Variants in AGBL1 observed in about 807,000 individuals in gnomAD.
The protein encoded by AGBL1 is AGBL carboxypeptidase 1, also known as cytosolic carboxypeptidase 4.
Under a neutral mutation model 118.9 loss-of-function variants are expected in AGBL1, and 130 were observed. The ratio of observed to expected loss-of-function variants is 1.09; its 90% CI spans 0.95 to 1.26. The LOEUF (loss-of-function observed/expected upper bound fraction) is 1.26, where lower values mean the gene tolerates loss of function less well. AGBL1 is among the 50% of genes most tolerant of loss of function. The pLI is 0.00. For synonymous variants in AGBL1, 555 were observed against 478.9 expected, an observed-to-expected ratio of 1.16 and a Z score of -2.08; for missense variants, 1,584 against 1,298.1, an observed-to-expected ratio of 1.22 and a Z score of -3.38.
chr15:86,169,291 C>A (rs530401345), intron 5 of AGBL1, among the ~76,000 whole-genome samples: 1 of 152,192 alleles, frequency 6.6e-6, no homozygotes, highest in Non-Finnish European at 1.5e-5. Flanking sequence ...GATATGCAAG[C>A]GTACTTATAG....
At chr15:86,432,979 G>A (rs992428381) in intron 18 of AGBL1, among the ~76,000 whole-genome samples, 2 of 152,146 alleles carry the variant, frequency 1.3e-5, no homozygotes, top group African/African-American at 2.4e-5. Flanking sequence ...CCATGCTGAG[G>A]TCCAGTCCTG....
intron 18 of AGBL1, among the ~76,000 whole-genome samples, chr15:86,424,792 C>G (rs1011163556): frequency 2.6e-5 from 4 of 152,164 alleles, no homozygotes; most frequent in African/African-American, 9.7e-5. Flanking sequence ...TGAAGAAAAG[C>G]TCATCATCAC....
At chr15:86,873,305 G>A (rs920579289) in intron 22 of AGBL1, among the ~76,000 whole-genome samples, 7 of 151,954 alleles carry the variant, frequency 4.6e-5, no homozygotes, top group South Asian at 4.2e-4. Context: ...GCAAATTCTC[G>A]GTATTATATA....
At chr15:86,422,468 A>C (rs1201913540) in intron 18 of AGBL1, among the ~76,000 whole-genome samples, 1 of 152,244 alleles carries the variant, frequency 6.6e-6, no homozygotes, top group Non-Finnish European at 1.5e-5. Flanking sequence ...GGAAATTTAT[A>C]GCACTAAATG....
At position 86,079,944 on chromosome 15, in the gene AGBL1, G is replaced by A. The variant is rs1164857572; in HGVS notation, c.-29G>A. Reference sequence around the variant, plus strand: ...CTCTCCAGCCTGGATCTGGCCGCAGGCAGCGGTTCCCTAGGACCCGAGAAA... The same window carrying A: ...CTCTCCAGCCTGGATCTGGCCGCAGACAGCGGTTCCCTAGGACCCGAGAAA... On this transcript the variant is annotated 5_prime_UTR_variant, in exon 1 of 23. Coordinates refer to ENST00000614907, the MANE Select transcript of AGBL1 (RefSeq NM_001386094.1). 1 of 1,231,764 alleles carries A rather than the reference G, an allele frequency of 8.1e-7. No individual in the cohort carries two copies. Among genetic ancestry groups the A allele is most frequent in the Non-Finnish European group, 1.0e-6 (1 of 987,562 alleles). The allele number at this position is 1,231,764 out of a possible 1,614,324, so 76.3% of individuals were successfully genotyped here.
chr15:86,722,212 C>A (rs1416268070), intron 22 of AGBL1, among the ~76,000 whole-genome samples: 1 of 152,134 alleles, frequency 6.6e-6, no homozygotes, highest in Non-Finnish European at 1.5e-5. Context: ...AATCCTAAGC[C>A]AAAAGAACGA....
At chr15:86,119,589 G>A (rs1396333493) in intron 1 of AGBL1, among the ~76,000 whole-genome samples, 3 of 151,924 alleles carry the variant, frequency 2.0e-5, no homozygotes, top group East Asian at 1.9e-4. Flanking sequence ...AAAACTATAG[G>A]AACATGATGG....
chr15:86,465,328 G>A (rs2082388478), intron 18 of AGBL1, among the ~76,000 whole-genome samples: 1 of 152,048 alleles, frequency 6.6e-6, no homozygotes, highest in Non-Finnish European at 1.5e-5. Context: ...GAGGATGTAT[G>A]TCACCTCAGG....
intron 21 of AGBL1, among the ~76,000 whole-genome samples, chr15:86,576,729 T>G (rs1348986715): frequency 6.6e-6 from 1 of 152,154 alleles, no homozygotes; most frequent in Non-Finnish European, 1.5e-5. Flanking sequence ...TAGGGACAGG[T>G]TTGTCCCATG....
intron 22 of AGBL1, among the ~76,000 whole-genome samples, chr15:86,716,829 A>G (rs1477047117): frequency 1.3e-5 from 2 of 152,210 alleles, no homozygotes; most frequent in African/African-American, 4.8e-5. Flanking sequence ...AATCCAAATG[A>G]GGTGGGGAGG....
At chr15:87,027,912 A>G (rs2081749701) in intron 24 of AGBL1, among the ~76,000 whole-genome samples, 1 of 151,940 alleles carries the variant, frequency 6.6e-6, no homozygotes, top group South Asian at 2.1e-4. Context: ...GGCAAGCCCC[A>G]GGAAGAATAA....
intron 17 of AGBL1, among the ~76,000 whole-genome samples, chr15:86,383,200 A>G (rs917158180): frequency 2.1e-5 from 3 of 142,306 alleles, no homozygotes; most frequent in African/African-American, 7.7e-5. Flanking sequence ...GGGGAAGCCC[A>G]AGATTCCTGA....
chr15:86,410,798 T>A (rs1482835515), intron 18 of AGBL1, among the ~76,000 whole-genome samples: 3 of 55,806 alleles, frequency 5.4e-5, no homozygotes, highest in African/African-American at 2.3e-4. Flanking sequence ...AGAGACAAGG[T>A]CAAATGTAGA....
intron 16 of AGBL1, among the ~76,000 whole-genome samples, chr15:86,289,869 C>T (rs2079516647): frequency 6.6e-6 from 1 of 152,200 alleles, no homozygotes; most frequent in Non-Finnish European, 1.5e-5. Flanking sequence ...AACATCTTCA[C>T]AGGTTGCAGG....
At chr15:86,125,756 C>A (rs1446967793) in intron 1 of AGBL1, among the ~76,000 whole-genome samples, 1 of 152,176 alleles carries the variant, frequency 6.6e-6, no homozygotes, top group Non-Finnish European at 1.5e-5. Flanking sequence ...GGATCAAAGT[C>A]AAAAACAACT....
chr15:86,143,892 G>A (rs1349239263), intron 3 of AGBL1, 47 bp downstream of exon 3: 3 of 1,595,818 alleles, frequency 1.9e-6, no homozygotes, highest in Non-Finnish European at 2.6e-6. Flanking sequence ...GCACTTCTAG[G>A]GTTGTTATCA....
At chr15:86,601,502 CA>C (rs1317971104) in intron 21 of AGBL1, among the ~76,000 whole-genome samples, 3 of 152,084 alleles carry the variant, frequency 2.0e-5, no homozygotes, top group Non-Finnish European at 4.4e-5. Context: ...CTGTTGGGTG[CA>C]AGTGGGTTAA....
chr15:86,642,661 A>G (rs934363770), intron 21 of AGBL1, among the ~76,000 whole-genome samples: 3 of 152,058 alleles, frequency 2.0e-5, no homozygotes, highest in African/African-American at 7.2e-5. Context: ...CACTTTTACA[A>G]TCTGAGTATA....
At chr15:86,719,824 T>A (rs1174957645) in intron 22 of AGBL1, among the ~76,000 whole-genome samples, 1 of 152,220 alleles carries the variant, frequency 6.6e-6, no homozygotes, top group Non-Finnish European at 1.5e-5. Context: ...TAGATGGAAA[T>A]ACCCGTGCCT....
Sources: gnomAD v4.1 joint callset for allele counts (sites outside exome capture counted in the v4.1 genomes callset) on GRCh38, gnomAD v4.1.1 for gene constraint, MANE v1.5 for transcripts, NCBI Gene and HGNC (gene_info 2026-07-23, HGNC 2026-07-21) for gene names.